Variants in PCDHGA9 observed in about 807,000 individuals in gnomAD.
PCDHGA9 encodes the protein protocadherin gamma subfamily A, 9.
In PCDHGA9, 37 loss-of-function variants were observed where a neutral mutation model predicts 62.5. That is an observed-to-expected ratio of 0.59 (90% CI 0.46 to 0.78). The LOEUF (loss-of-function observed/expected upper bound fraction) is 0.78, where lower values mean the gene tolerates loss of function less well. Among genes scored for constraint, PCDHGA9 ranks in the 30% least tolerant of loss-of-function variants. The pLI, the probability that PCDHGA9 is intolerant of heterozygous loss-of-function variation, is 0.00. For synonymous variants in PCDHGA9, 459 were observed against 484.6 expected (o/e 0.95, Z 0.69); for missense variants, 1,138 against 1,166.2 (o/e 0.98, Z 0.35).
chr5:141,481,871 G>A (rs372191396), intron 1 of PCDHGA9, among the ~76,000 whole-genome samples: 73 of 144,864 alleles, frequency 5.0e-4, no homozygotes, highest in Non-Finnish European at 9.7e-4. Context: ...CCGAGATCGC[G>A]CCACTGCACT....
intron 1 of PCDHGA9, chr5:141,414,754 G>A: frequency 6.2e-7 from 1 of 1,614,190 alleles, no homozygotes; most frequent in Non-Finnish European, 8.5e-7. Flanking sequence ...CTTCGACTAT[G>A]AGCAGTTTCA....
At chr5:141,475,014 C>G (rs2099358221) in intron 1 of PCDHGA9, among the ~76,000 whole-genome samples, 1 of 152,202 alleles carries the variant, frequency 6.6e-6, no homozygotes, top group South Asian at 2.1e-4. Flanking sequence ...AAAGTTAAGG[C>G]TCTTTATTCT....
intron 1 of PCDHGA9, chr5:141,409,337 A>T: frequency 6.2e-7 from 1 of 1,614,012 alleles, no homozygotes; most frequent in Non-Finnish European, 8.5e-7. Flanking sequence ...TTTCGGAGGA[A>T]ATGGAGAAGT....
Position 141,403,590 on chromosome 5 carries a change from C to A in PCDHGA9, c.638C>A (p.Thr213Lys), listed in dbSNP as rs770895828. 4.3e-6 allele frequency: 7 copies of A among 1,613,866 alleles called. No individual in the cohort carries two copies. Among genetic ancestry groups the A allele is most frequent in the Non-Finnish European group, 5.1e-6 (6 of 1,179,892 alleles). Residue 213 changes from threonine to lysine, a missense_variant, in exon 1 of 4, where the codon ACG becomes AAG. Coordinates refer to ENST00000573521, the MANE Select transcript of PCDHGA9 (RefSeq NM_018921.3). ...GCAACTGCCCACCACCTGGTCCTCACGGCCTCGGATGGCGGCGAGCCGCGT... is the reference window on the plus strand; with the variant it reads ...GCAACTGCCCACCACCTGGTCCTCAAGGCCTCGGATGGCGGCGAGCCGCGT... ...EEATAHHLVL[T>K]ASDGGEPRRS...
At chr5:141,409,153 G>A in intron 1 of PCDHGA9, 1 of 1,614,026 alleles carries the variant, frequency 6.2e-7, no homozygotes. Context: ...GGTACACCAT[G>A]GAAGTGGAAG....
chr5:141,479,941 T>C (rs983830280), intron 1 of PCDHGA9, among the ~76,000 whole-genome samples: 2 of 152,194 alleles, frequency 1.3e-5, no homozygotes, highest in Admixed American at 6.5e-5. Context: ...TGCTATCAAC[T>C]CTTGGATTTG....
chr5:141,438,635 TACACAC>T (rs56854727), intron 1 of PCDHGA9, among the ~76,000 whole-genome samples: 557 of 33,182 alleles, frequency 0.017, 8 homozygotes, highest in South Asian at 0.028. Flanking sequence ...TATATATATA[TACACAC>T]ACACACACAC....
At chr5:141,438,949 A>G (rs538626951) in intron 1 of PCDHGA9, among the ~76,000 whole-genome samples, 1 of 152,170 alleles carries the variant, frequency 6.6e-6, no homozygotes, top group East Asian at 1.9e-4. Flanking sequence ...TATAGGCATG[A>G]GCCACCGCAC....
At chr5:141,415,562 CT>C in intron 1 of PCDHGA9, 3 of 1,613,960 alleles carry the variant, frequency 1.9e-6, no homozygotes, top group Non-Finnish European at 1.7e-6. Context: ...GATCCTTTGT[CT>C]TTGTTAGATG....
At position 141,477,213 on chromosome 5, in the gene PCDHGA9, C is replaced by G; in HGVS notation, c.2425-17594C>G. ...TACAGCCCAGTACCCGAGGATGCCC[C>G]TCTGGGGACTGTCATCGCTTTGCTC... is the stretch of plus-strand genomic sequence containing the variant. On this transcript the variant is annotated intron_variant, in intron 1 of 3. Coordinates refer to ENST00000573521, the MANE Select transcript of PCDHGA9 (RefSeq NM_018921.3). The surrounding 1 kb of genome is among the most constrained non-coding windows in gnomAD (Gnocchi z 4.9). 6.2e-7 allele frequency: 1 copy of G among 1,614,184 alleles called. No individual in the cohort carries two copies.
rs1407225048 is a variant in PCDHGA9 at position 141,489,600 on chromosome 5, G to T, written c.2425-5207G>T. On this transcript the variant is annotated intron_variant, in intron 1 of 3. Coordinates refer to ENST00000573521, the MANE Select transcript of PCDHGA9 (RefSeq NM_018921.3). The surrounding 1 kb of genome is among the most constrained non-coding windows in gnomAD (Gnocchi z 4.5). ...ACCCCCTGGAGCTAATCCGTGTAGA[G>T]GTAGAGATCCTGGATCTCAATGACA... The T allele has an allele frequency of 7.4e-6, 12 of 1,613,916 alleles. 1 individual carries two copies. In the South Asian group the frequency reaches 1.2e-4, roughly 16 times the overall value.
rs2099417733 is a variant in PCDHGA9, at chr5:141,477,771, G to C, written c.2425-17036G>C. ...ACCCCGGTCCTAGCCACCAACATCAGCGTGAACATATTTGTCACTGATCGC... is the reference window on the plus strand; with the variant it reads ...ACCCCGGTCCTAGCCACCAACATCACCGTGAACATATTTGTCACTGATCGC... On this transcript the variant is annotated intron_variant, in intron 1 of 3. Transcript: ENST00000573521. This position sits in a 1 kb window ranked among gnomAD's most constrained non-coding sequence, Gnocchi z 4.9. 3 of 1,613,992 alleles carry C rather than the reference G, an allele frequency of 1.9e-6. No homozygotes were observed. The highest frequency in any genetic ancestry group is 3.3e-4 in the Middle Eastern group (2 of 6,062).
At chr5:141,429,875 A>G (rs959789833) in intron 1 of PCDHGA9, among the ~76,000 whole-genome samples, 3 of 152,322 alleles carry the variant, frequency 2.0e-5, no homozygotes, top group Middle Eastern at 6.8e-3. Context: ...ATTTTCTTTT[A>G]CTAAGTTTCC....
chr5:141,510,359 T>A (rs1229932307), intron 3 of PCDHGA9, among the ~76,000 whole-genome samples: 3 of 143,318 alleles, frequency 2.1e-5, no homozygotes, highest in African/African-American at 7.7e-5. Flanking sequence ...CTAACGGAAC[T>A]ACCGAATCTC....
Position 141,477,540 on chromosome 5 carries a change from C to T in PCDHGA9, c.2425-17267C>T, listed in dbSNP as rs777796922. On this transcript the variant is annotated intron_variant, in intron 1 of 3. Coordinates refer to ENST00000573521, the MANE Select transcript of PCDHGA9 (RefSeq NM_018921.3). The surrounding 1 kb of genome is among the most constrained non-coding windows in gnomAD (Gnocchi z 4.9). Reference sequence around the variant, plus strand: ...GAAGAAAACAACCTCCCCGGGGCTCCAATACTAAACCTAAGTGTCTGGGAC... The same window carrying T: ...GAAGAAAACAACCTCCCCGGGGCTCTAATACTAAACCTAAGTGTCTGGGAC... The T allele has an allele frequency of 6.8e-6, 11 of 1,614,036 alleles. 1 individual carries two copies. Among genetic ancestry groups the T allele is most frequent in the African/African-American group, 2.7e-5 (2 of 74,920 alleles).
At chr5:141,478,812 A>G (rs952753762) in intron 1 of PCDHGA9, 16 of 1,453,436 alleles carry the variant, frequency 1.1e-5, no homozygotes, top group Non-Finnish European at 1.4e-5. Flanking sequence ...TTGCTATCAC[A>G]ACTAACCAAT....
At chr5:141,418,344 T>G (rs746519142) in intron 1 of PCDHGA9, 1 of 1,614,008 alleles carries the variant, frequency 6.2e-7, no homozygotes, top group Non-Finnish European at 8.5e-7. Context: ...GATCCTGATA[T>G]TAGTATGAAT....
rs1354510383 is a variant in PCDHGA9, at chr5:141,432,312, G to A, written c.2424+26936G>A. The A allele has an allele frequency of 5.6e-6, 9 of 1,614,132 alleles. No homozygotes were observed. The highest frequency in any genetic ancestry group is 7.6e-6 in the Non-Finnish European group (9 of 1,180,054). On this transcript the variant is annotated intron_variant, in intron 1 of 3. Transcript: ENST00000573521. The surrounding 1 kb of genome is among the most constrained non-coding windows in gnomAD (Gnocchi z 6.0). Reference sequence around the variant, plus strand: ...GACACTGGGGTACTGTATGCGCTGAGCTCCTTCGACTACGAGCAGTTCCGA... The same window carrying A: ...GACACTGGGGTACTGTATGCGCTGAACTCCTTCGACTACGAGCAGTTCCGA...
intron 1 of PCDHGA9, among the ~76,000 whole-genome samples, chr5:141,437,052 T>A (rs986734485): frequency 6.6e-5 from 10 of 152,258 alleles, no homozygotes; most frequent in Non-Finnish European, 1.3e-4. Flanking sequence ...AGAAGGCTGG[T>A]GATCATTATT....
Sources: allele counts gnomAD v4.1 joint callset (sites outside exome capture counted in the v4.1 genomes callset), GRCh38; gene constraint gnomAD v4.1.1; non-coding constraint Gnocchi (gnomAD v3.1); transcripts MANE v1.5; gene names NCBI Gene and HGNC (gene_info 2026-07-23, HGNC 2026-07-21).